The following KBTBD11 variants were observed in gnomAD, a reference collection of about 807,000 sequenced individuals.
The protein encoded by KBTBD11 is kelch repeat and BTB domain containing 11.
For missense variants in KBTBD11, 1,390 were observed against 1,001.8 expected (o/e 1.39, Z -5.23); for synonymous variants, 747 against 499.0 (o/e 1.50, Z -6.63).
chr8:2,001,842 C>G lies in KBTBD11; in HGVS notation c.650C>G (p.Pro217Arg), dbSNP rs1269368588. Reference sequence around the variant, plus strand: ...GCCGGCGCGCGCCGCCTGCAGCTGCCCGGCGCCGCGCAGCGCGCCACCGAC... The same window carrying G: ...GCCGGCGCGCGCCGCCTGCAGCTGCGCGGCGCCGCGCAGCGCGCCACCGAC... ...VVAGARRLQLPGAAQRATDAV... is the reference protein window; with the variant it reads ...VVAGARRLQLRGAAQRATDAV... Residue 217 changes from proline to arginine, a missense_variant, in exon 2 of 2, where the codon CCC becomes CGC. Pro to Arg is a moderately radical substitution (Grantham distance 103). Coordinates refer to ENST00000320248, the MANE Select transcript of KBTBD11 (RefSeq NM_014867.3). The G allele has an allele frequency of 5.7e-6, 7 of 1,232,680 alleles. No individual in the cohort carries two copies. The highest frequency in any genetic ancestry group is 7.1e-6 in the Non-Finnish European group (7 of 988,558). 76.4% of individuals were successfully genotyped at this position (1,232,680 alleles called of 1,614,324 possible).
chr8:1,998,450 A>T (rs1024812486), intron 1 of KBTBD11, among the ~76,000 whole-genome samples: 5 of 152,340 alleles, frequency 3.3e-5, no homozygotes, highest in African/African-American at 7.2e-5. Flanking sequence ...CAGAGTTCCA[A>T]ATTTAAGCTT....
intron 1 of KBTBD11, chr8:1,976,331 T>C (rs1200227906): frequency 6.6e-6 from 1 of 152,112 alleles, no homozygotes; most frequent in African/African-American, 2.4e-5. Context: ...GCTAAAAGTA[T>C]AGTGTTGGTA....
At chr8:1,999,140 T>C (rs956465912) in intron 1 of KBTBD11, among the ~76,000 whole-genome samples, 2 of 152,182 alleles carry the variant, frequency 1.3e-5, no homozygotes, top group East Asian at 3.9e-4. Flanking sequence ...TTGTGAAAGA[T>C]ATCTGGAAGA....
chr8:1,988,812 A>G (rs1475208694), intron 1 of KBTBD11, among the ~76,000 whole-genome samples: 1 of 152,228 alleles, frequency 6.6e-6, no homozygotes, highest in Non-Finnish European at 1.5e-5. Flanking sequence ...CATTGTAAAT[A>G]CTTCATATAT....
chr8:1,974,663 C>T, intron 1 of KBTBD11: 1 of 985,386 alleles, frequency 1.0e-6, no homozygotes. Flanking sequence ...CAGCCCCCGC[C>T]CCATGTGCTG....
At position 2,003,076 on chromosome 8, in the gene KBTBD11, C is replaced by A. The variant is rs1438702684; in HGVS notation, c.*12C>A. The A allele has an allele frequency of 1.6e-6, 2 of 1,257,468 alleles. No homozygotes were observed. The highest frequency in any genetic ancestry group is 3.1e-5 in the South Asian group (1 of 31,902). 77.9% of individuals were successfully genotyped at this position (1,257,468 alleles called of 1,614,324 possible). On this transcript the variant is annotated 3_prime_UTR_variant, in exon 2 of 2. Transcript: ENST00000320248. ...AGGGCGCCCCGTAGGCCGGCGGGGTCGGCGGGCGTCTCCCTCGGCAGGGGT... is the reference window on the plus strand; with the variant it reads ...AGGGCGCCCCGTAGGCCGGCGGGGTAGGCGGGCGTCTCCCTCGGCAGGGGT...
At chr8:1,980,594 G>C (rs1219223915) in intron 1 of KBTBD11, among the ~76,000 whole-genome samples, 1 of 152,240 alleles carries the variant, frequency 6.6e-6, no homozygotes, top group Non-Finnish European at 1.5e-5. Flanking sequence ...GGCAGCTTCC[G>C]TGGGGGATGC....
In KBTBD11 at chr8:2,002,880, A is replaced by G. The variant is rs557203187; in HGVS notation, c.1688A>G (p.Tyr563Cys). 21 of 1,336,758 alleles carry G rather than the reference A, an allele frequency of 1.6e-5. No individual in the cohort carries two copies. In the African/African-American group the frequency reaches 2.9e-4, roughly 19 times the overall value. 82.8% of individuals were successfully genotyped at this position (1,336,758 alleles called of 1,614,324 possible). A position where few individuals can be genotyped will look rare whatever the true frequency, so the allele number is the denominator to read the frequency against. Residue 563 changes from tyrosine (Y) to cysteine (C), a missense_variant, in exon 2 of 2, where the codon TAC becomes TGC. Tyr to Cys is a radical substitution (Grantham distance 194). Transcript: ENST00000320248. This position sits in a 1 kb window ranked among gnomAD's most constrained non-coding sequence, Gnocchi z 4.1. ...TGCGCCGCCCTGGACGGCGCCATCT[A>G]CTGCGTGAGCCGCGCGGGCACCTGG... ...FRCAALDGAI[Y>C]CVSRAGTWRF...
At position 1,999,090 on chromosome 8, in the gene KBTBD11, A is replaced by C. The variant is rs74690731; in HGVS notation, c.-908-1195A>C. 2.9e-3 allele frequency among the ~76,000 whole-genome samples: 439 copies of C among 152,330 alleles called. 4 individuals carry two copies. The highest frequency in any genetic ancestry group is 0.01 in the African/African-American group (418 of 41,574). On this transcript the variant is annotated intron_variant, in intron 1 of 1. Transcript: ENST00000320248. ...TAATATTACATTCCCCAGGCATCTT[A>C]TGACAATTCTATGCACATAGGGAGT...
intron 1 of KBTBD11, among the ~76,000 whole-genome samples, chr8:1,975,739 A>T (rs11776836): frequency 0.61 from 93,250 of 152,108 alleles, 30,338 homozygotes; most frequent in East Asian, 0.81. Context: ...CCCAGGGAGC[A>T]GGACTCTGTG....
chr8:1,984,478 G>A (rs1412947271), intron 1 of KBTBD11, among the ~76,000 whole-genome samples: 11 of 151,950 alleles, frequency 7.2e-5, no homozygotes, highest in Admixed American at 4.6e-4. Flanking sequence ...TAGTAGAGAC[G>A]GGGTTTTACC....
rs1432875387 is a variant in KBTBD11 at position 2,002,162 on chromosome 8, G to T, written c.970G>T (p.Asp324Tyr). The change falls in exon 2 of 2, where the codon GAC becomes TAC. Residue 324 changes from aspartate to tyrosine, a missense_variant. Physicochemically the swap from Asp to Tyr is radical, Grantham distance 160 (BLOSUM62 -3). Transcript: ENST00000320248. The surrounding 1 kb of genome is among the most constrained non-coding windows in gnomAD (Gnocchi z 4.1). ...CTCGGGGGACGCGGACGCGCGCGGG[G>T]ACGCGGCCGTCTACTGCTTCCACGC... ...SPSGDADARG[D>Y]AAVYCFHAAA... 3 of 1,200,650 alleles carry T rather than the reference G, an allele frequency of 2.5e-6. No individual in the cohort carries two copies. Among genetic ancestry groups the T allele is most frequent in the Non-Finnish European group, 3.1e-6 (3 of 970,366 alleles). The allele number at this position is 1,200,650 out of a possible 1,614,324, so 74.4% of individuals were successfully genotyped here.
chr8:1,993,438 C>T (rs1463110642), intron 1 of KBTBD11, among the ~76,000 whole-genome samples: 1 of 149,498 alleles, frequency 6.7e-6, no homozygotes, highest in Non-Finnish European at 1.5e-5. Flanking sequence ...CCCACCCATC[C>T]ATCCATCTAT....
At chr8:1,974,648 C>G (rs1415311554) in intron 1 of KBTBD11, 2 of 985,242 alleles carry the variant, frequency 2.0e-6, no homozygotes, top group East Asian at 2.3e-4. Context: ...GCCGGGCGCC[C>G]CTTGCAGCCC....
In KBTBD11 at chr8:2,001,872, T is replaced by C. The variant is rs918082754; in HGVS notation, c.680T>C (p.Val227Ala). The C allele has an allele frequency of 8.3e-6, 11 of 1,328,440 alleles. No homozygotes were observed. In the Admixed American group the frequency reaches 2.0e-4, roughly 24 times the overall value. 82.3% of individuals were successfully genotyped at this position (1,328,440 alleles called of 1,614,324 possible). Residue 227 changes from valine (V) to alanine (A), a missense_variant, in exon 2 of 2, where the codon GTG becomes GCG. Coordinates refer to ENST00000320248, the MANE Select transcript of KBTBD11 (RefSeq NM_014867.3). Reference protein sequence around the residue: ...PGAAQRATDAVGPQLSLANCY... With the variant: ...PGAAQRATDAAGPQLSLANCY... ...GCCGCGCAGCGCGCCACCGACGCCGTGGGGCCGCAGCTGAGCCTGGCCAAC... is the reference window on the plus strand; with the variant it reads ...GCCGCGCAGCGCGCCACCGACGCCGCGGGGCCGCAGCTGAGCCTGGCCAAC...
At chr8:1,987,527 G>A (rs1816745027) in intron 1 of KBTBD11, among the ~76,000 whole-genome samples, 1 of 152,038 alleles carries the variant, frequency 6.6e-6, no homozygotes, top group Non-Finnish European at 1.5e-5. Context: ...CCCTTGTGCT[G>A]CCCCCACCAG....
intron 1 of KBTBD11, chr8:1,975,252 G>C (rs1264956911): frequency 6.6e-6 from 1 of 152,274 alleles, no homozygotes; most frequent in Non-Finnish European, 1.5e-5. Context: ...AACTTTCCAT[G>C]TCAGTTGCAC....
intron 1 of KBTBD11, among the ~76,000 whole-genome samples, chr8:1,993,495 G>A (rs62478225): frequency 0.25 from 9,780 of 39,808 alleles, 1,011 homozygotes; most frequent in Non-Finnish European, 0.36. Context: ...CCGTCCATCC[G>A]TCCATCCATC....
At position 2,001,460 on chromosome 8, in the gene KBTBD11, G is replaced by C; in HGVS notation, c.268G>C (p.Glu90Gln). The change falls in exon 2 of 2, where the codon GAG (glutamate) becomes CAG (glutamine). Residue 90 changes from glutamate (E) to glutamine (Q), a missense_variant. By Grantham distance (29) the Glu-to-Gln change is conservative (BLOSUM62 2). Coordinates refer to ENST00000320248, the MANE Select transcript of KBTBD11 (RefSeq NM_014867.3). ...CAGCGCGGGCGCCGCGTCCCCGGAG[G>C]AGCTCGCGTCCCCTGAGGAGCGCGC... ...AGSAGAASPE[E>Q]LASPEERACP... The C allele has an allele frequency of 3.7e-6, 5 of 1,363,772 alleles. No homozygotes were observed. Among genetic ancestry groups the C allele is most frequent in the Non-Finnish European group, 4.7e-6 (5 of 1,067,010 alleles). The allele number at this position is 1,363,772 out of a possible 1,614,324, so 84.5% of individuals were successfully genotyped here. A position where few individuals can be genotyped will look rare whatever the true frequency, so the allele number is the denominator to read the frequency against.
Sources: gnomAD v4.1 joint callset for allele counts (sites outside exome capture counted in the v4.1 genomes callset) on GRCh38, gnomAD v4.1.1 for gene constraint, Gnocchi (gnomAD v3.1) non-coding constraint, MANE v1.5 for transcripts, NCBI Gene and HGNC (gene_info 2026-07-23, HGNC 2026-07-21) for gene names.